Variants in TNFRSF10D observed in about 807,000 individuals in gnomAD.
The protein encoded by TNFRSF10D is TNF receptor superfamily member 10d, also known as tumor necrosis factor receptor superfamily member 10D.
Under a neutral mutation model 42.1 loss-of-function variants are expected in TNFRSF10D, and 28 were observed. The observed-to-expected ratio is 0.66, with a 90% CI of 0.49 to 0.91. The LOEUF (loss-of-function observed/expected upper bound fraction) is 0.91. Among genes scored for constraint, TNFRSF10D ranks in the 40% least tolerant of loss-of-function variants. The pLI, the probability that TNFRSF10D is intolerant of heterozygous loss-of-function variation, is 0.00. For synonymous variants in TNFRSF10D, 186 were observed against 189.4 expected (o/e 0.98, Z 0.15); for missense variants, 503 against 486.1 (o/e 1.03, Z -0.33).
At chr8:23,138,420 T>C (rs1032545826) in intron 7 of TNFRSF10D, among the ~76,000 whole-genome samples, 160 bp from the exon 8 acceptor site, 1 of 152,212 alleles carries the variant, frequency 6.6e-6, no homozygotes, top group Non-Finnish European at 1.5e-5. Flanking sequence ...TTGGGCTCTG[T>C]GTGCTGGTGG....
At chr8:23,147,653 GCAGTGGCTCA>G (rs970209176) in intron 3 of TNFRSF10D, among the ~76,000 whole-genome samples, 3 of 152,130 alleles carry the variant, frequency 2.0e-5, no homozygotes, top group African/African-American at 7.2e-5. Context: ...TTGGCCAGGC[GCAGTGGCTCA>G]CACCTGTAAT....
At position 23,154,892 on chromosome 8, in the gene TNFRSF10D, C is replaced by A; in HGVS notation, c.238G>T (p.Glu80Ter). The change falls in exon 2 of 9, where the codon GAG (glutamate) becomes TAG (stop). Residue 80 changes from glutamate to a stop codon, truncating the protein, a stop_gained. Transcript: ENST00000312584. LOFTEE classifies it high-confidence loss of function. The stretch of plus-strand genomic sequence containing the variant: ...AGTGCACCTGCTGGACACTCCTCCT[C>A]CTTGAGGCTGCGCCTCTGTTGCTGT... ...APQQQRRSLK[E>*]EECPAGSHRS... 2 of 1,613,824 alleles carry A rather than the reference C, an allele frequency of 1.2e-6. No homozygotes were observed. The highest frequency in any genetic ancestry group is 1.7e-6 in the Non-Finnish European group (2 of 1,179,834).
chr8:23,144,990 G>C (rs1800093885), intron 6 of TNFRSF10D, 68 bp downstream of exon 6: 2 of 1,604,936 alleles, frequency 1.2e-6, no homozygotes, highest in African/African-American at 2.7e-5. Flanking sequence ...GCCCACCCAG[G>C]CTCGGCAGTG....
chr8:23,159,390 T>A (rs1230993176), intron 1 of TNFRSF10D, among the ~76,000 whole-genome samples: 1 of 152,186 alleles, frequency 6.6e-6, no homozygotes, highest in Non-Finnish European at 1.5e-5. Context: ...GATCTCCTTA[T>A]TTTTAAGGAT....
chr8:23,143,937 T>A (rs935256873), intron 7 of TNFRSF10D, among the ~76,000 whole-genome samples: 1 of 152,256 alleles, frequency 6.6e-6, no homozygotes, highest in Non-Finnish European at 1.5e-5. Context: ...TGAATCGATG[T>A]GAATAACTGG....
intron 7 of TNFRSF10D, among the ~76,000 whole-genome samples, chr8:23,139,117 C>T (rs1031716996): frequency 2.0e-5 from 3 of 152,156 alleles, no homozygotes; most frequent in African/African-American, 7.2e-5. Context: ...AAATGTATGT[C>T]TGGAGGAATG....
In TNFRSF10D at chr8:23,145,917, G is replaced by C. The variant is rs539259219; in HGVS notation, c.487C>G (p.Pro163Ala). Residue 163 changes from proline to alanine, a missense_variant, in exon 5 of 9, where the codon CCC becomes GCC. Transcript: ENST00000312584. ...EMCRTCRTGCPRGMVKVSNCT... is the reference protein window; with the variant it reads ...EMCRTCRTGCARGMVKVSNCT... ...TTACTGACCTTGACCATCCCTCTGGGACACCTGGGTACACACAGAGAGGGA... is the reference window on the plus strand; with the variant it reads ...TTACTGACCTTGACCATCCCTCTGGCACACCTGGGTACACACAGAGAGGGA... The C allele has an allele frequency of 3.7e-6, 6 of 1,614,118 alleles. No individual in the cohort carries two copies. In the South Asian group the frequency reaches 6.6e-5, roughly 18 times the overall value.
intron 1 of TNFRSF10D, among the ~76,000 whole-genome samples, chr8:23,162,475 C>T (rs981029790): frequency 1.3e-5 from 2 of 152,090 alleles, no homozygotes; most frequent in African/African-American, 2.4e-5. Context: ...CATGGAGACT[C>T]TCATGGTTCA....
At chr8:23,161,381 A>C (rs1230747635) in intron 1 of TNFRSF10D, among the ~76,000 whole-genome samples, 3 of 152,222 alleles carry the variant, frequency 2.0e-5, no homozygotes, top group Non-Finnish European at 4.4e-5. Context: ...AGCCTCTGTC[A>C]CACAGATTGG....
intron 1 of TNFRSF10D, among the ~76,000 whole-genome samples, chr8:23,157,597 C>A (rs1004330302): frequency 6.6e-6 from 1 of 152,064 alleles, no homozygotes; most frequent in Non-Finnish European, 1.5e-5. Flanking sequence ...GCCACTTTAC[C>A]GGGGTTTTCA....
rs1585260386 is a variant in TNFRSF10D at position 23,146,988 on chromosome 8, G to A, written c.455C>T (p.Pro152Leu). 6.2e-7 allele frequency: 1 copy of A among 1,614,192 alleles called. No homozygotes were observed. The highest frequency in any genetic ancestry group is 8.5e-7 in the Non-Finnish European group (1 of 1,180,022). ...EKGSFQDKNS[P>L]EMCRTCRTGC... ...TGTTCTACACGTCCGGCACATCTCA[G>A]GGGAGTTTTTATCCTGGAAGCTTCC... Residue 152 changes from proline (P) to leucine (L), a missense_variant, in exon 4 of 9, where the codon CCT (proline) becomes CTT (leucine). Pro to Leu is a moderately conservative substitution (Grantham distance 98, BLOSUM62 -3). Transcript: ENST00000312584.
At chr8:23,140,365 A>G (rs545579394) in intron 7 of TNFRSF10D, among the ~76,000 whole-genome samples, 29 of 132,074 alleles carry the variant, frequency 2.2e-4, no homozygotes, top group African/African-American at 7.1e-4. Flanking sequence ...ACACAATCCC[A>G]TTTACAACAG....
rs563016426 is a variant in TNFRSF10D, at chr8:23,145,775, T to A, written c.629A>T (p.Tyr210Phe). 12 of 1,614,100 alleles carry A rather than the reference T, an allele frequency of 7.4e-6. No homozygotes were observed. Among genetic ancestry groups the A allele is most frequent in the Non-Finnish European group, 1.0e-5 (12 of 1,179,980 alleles). The change falls in exon 5 of 9, where the codon TAT (tyrosine) becomes TTT (phenylalanine). Residue 210 changes from tyrosine to phenylalanine, a missense_variant. Physicochemically the swap from Tyr to Phe is conservative, Grantham distance 22 (BLOSUM62 3). Transcript: ENST00000312584. ...AACCACTATGATGATAAGGTAGTGA[T>A]AGGGAGAGGCAAGCATCCCCAGGAT... is the stretch of plus-strand genomic sequence containing the variant. ...TTILGMLASPYHYLIIIVVLV... is the reference protein window; with the variant it reads ...TTILGMLASPFHYLIIIVVLV...
intron 1 of TNFRSF10D, among the ~76,000 whole-genome samples, chr8:23,156,760 G>A (rs187004399): frequency 5.0e-3 from 766 of 151,748 alleles, no homozygotes; most frequent in African/African-American, 0.016. Context: ...ATACAGCTGG[G>A]GTTTCATCAC....
At chr8:23,148,340 G>A (rs1465761926) in intron 3 of TNFRSF10D, 98 bp downstream of exon 3, 1 of 762,468 alleles carries the variant, frequency 1.3e-6, no homozygotes, top group Admixed American at 2.2e-5. Context: ...AGACTACCAA[G>A]TTGGGCTAGA....
chr8:23,146,021 C>T (rs1222196325), intron 4 of TNFRSF10D, 100 bp from the exon 5 acceptor site: 23 of 1,537,714 alleles, frequency 1.5e-5, no homozygotes, highest in African/African-American at 4.1e-5. Context: ...CCTGAGAAGG[C>T]GTCAGGAGGA....
intron 5 of TNFRSF10D, among the ~76,000 whole-genome samples, chr8:23,145,319 C>G (rs1800099406): frequency 6.6e-6 from 1 of 152,206 alleles, no homozygotes; most frequent in Non-Finnish European, 1.5e-5. Context: ...CTGCTCTGAC[C>G]AAGGCTGAAT....
rs567660657 is a variant in TNFRSF10D, at chr8:23,144,347, T to C, written c.954+103A>G. 30 of 1,360,368 alleles carry C rather than the reference T, an allele frequency of 2.2e-5. No homozygotes were observed. The Admixed American group carries it at 5.6e-4, about 25-fold the overall frequency. The allele number at this position is 1,360,368 out of a possible 1,614,324, so 84.3% of individuals were successfully genotyped here. A position where few individuals can be genotyped will look rare whatever the true frequency, so the allele number is the denominator to read the frequency against. ...AGTCCCCTGTCTCCCAAAGGCTCCA[T>C]GTCCCCTTGGGCCAGGAAAGAGGAG... On this transcript the variant is annotated intron_variant, in intron 7 of 8. Coordinates refer to ENST00000312584, the MANE Select transcript of TNFRSF10D (RefSeq NM_003840.5).
rs1247931124 is a variant in TNFRSF10D at position 23,135,938 on chromosome 8, T to G, written c.*1932A>C. The G allele has an allele frequency of 4.5e-6, 2 of 448,358 alleles. No homozygotes were observed. The allele number at this position is 448,358 out of a possible 1,614,324, so 27.8% of individuals were successfully genotyped here. The stretch of plus-strand genomic sequence containing the variant: ...AGCAGCACCCTGTGTCATCCAGAAG[T>G]GCAGGGGACAAGGTGTGGGACGCCA... On this transcript the variant is annotated 3_prime_UTR_variant, in exon 9 of 9. Transcript: ENST00000312584.
Sources: allele counts gnomAD v4.1 joint callset (sites outside exome capture counted in the v4.1 genomes callset), GRCh38; gene constraint gnomAD v4.1.1; transcripts MANE v1.5; gene names NCBI Gene and HGNC (gene_info 2026-07-23, HGNC 2026-07-21).